Variants in IGF2BP3 observed in about 807,000 individuals in gnomAD.
IGF2BP3 encodes insulin-like growth factor 2 mRNA-binding protein 3.
IGF2BP3 carries 9 observed loss-of-function variants against 73.8 expected under a neutral mutation model. That is an observed-to-expected ratio of 0.12 (90% CI 0.07 to 0.21). IGF2BP3 has a LOEUF of 0.21. IGF2BP3 is among the 10% of genes least tolerant of loss of function. The pLI is 1.00. For missense variants in IGF2BP3, 542 were observed against 714.0 expected, an observed-to-expected ratio of 0.76 and a Z score of 2.75; for synonymous variants, 258 against 256.7, an observed-to-expected ratio of 1.01 and a Z score of -0.05.
chr7:23,424,552 C>T (rs985512891), intron 2 of IGF2BP3, among the ~76,000 whole-genome samples: 1 of 152,068 alleles, frequency 6.6e-6, no homozygotes, highest in East Asian at 1.9e-4. Flanking sequence ...ATATTAGTTA[C>T]TATGAAAATT....
chr7:23,367,387 C>T (rs2128510068), intron 3 of IGF2BP3, among the ~76,000 whole-genome samples: 1 of 148,452 alleles, frequency 6.7e-6, no homozygotes, highest in East Asian at 1.9e-4. Context: ...TGTCCCCTCT[C>T]AGTACTGCTA....
At chr7:23,317,524 T>C (rs951807781) in intron 12 of IGF2BP3, 115 bp downstream of exon 12, 4 of 760,136 alleles carry the variant, frequency 5.3e-6, no homozygotes, top group South Asian at 1.6e-5. Flanking sequence ...AGCTCTTAGA[T>C]AAGAATTTCC....
chr7:23,378,880 T>C (rs967724700), intron 3 of IGF2BP3, among the ~76,000 whole-genome samples: 1 of 152,046 alleles, frequency 6.6e-6, no homozygotes, highest in Non-Finnish European at 1.5e-5. Context: ...CCTTCTCTTC[T>C]ATTCGTAAGG....
At chr7:23,343,900 A>G in intron 8 of IGF2BP3, 47 bp from the exon 9 acceptor site, 2 of 1,586,566 alleles carry the variant, frequency 1.3e-6, no homozygotes, top group African/African-American at 2.7e-5. Context: ...AAATTGGAGG[A>G]AGACAGCTAA....
chr7:23,455,743 T>G (rs1227892173), intron 2 of IGF2BP3, among the ~76,000 whole-genome samples: 1 of 152,288 alleles, frequency 6.6e-6, no homozygotes, highest in Non-Finnish European at 1.5e-5. Flanking sequence ...TGGAGTGCGG[T>G]GGCGCGATGT....
chr7:23,323,125 G>C (rs1784204251), intron 10 of IGF2BP3, among the ~76,000 whole-genome samples: 2 of 152,042 alleles, frequency 1.3e-5, no homozygotes, highest in South Asian at 4.1e-4. Context: ...ACACAGACTG[G>C]CAAATTGGAT....
At chr7:23,375,273 C>T (rs1583956375) in intron 3 of IGF2BP3, among the ~76,000 whole-genome samples, 2 of 152,098 alleles carry the variant, frequency 1.3e-5, no homozygotes, top group Non-Finnish European at 1.5e-5. Flanking sequence ...GTGATCCATC[C>T]GTGTTGGTAA....
intron 2 of IGF2BP3, chr7:23,450,627 A>G (rs1451557535): frequency 2.6e-5 from 4 of 152,206 alleles, no homozygotes; most frequent in African/African-American, 9.6e-5. Context: ...CAGATTCCAC[A>G]TTGAAACTAG....
chr7:23,405,563 G>C (rs1001289853), intron 3 of IGF2BP3, among the ~76,000 whole-genome samples: 2 of 152,208 alleles, frequency 1.3e-5, no homozygotes, highest in African/African-American at 4.8e-5. Flanking sequence ...GAAGGTGAGA[G>C]GAGGTGAGCA....
chr7:23,337,135 G>A (rs1784594232), intron 10 of IGF2BP3, among the ~76,000 whole-genome samples: 1 of 152,158 alleles, frequency 6.6e-6, no homozygotes, highest in South Asian at 2.1e-4. Context: ...TGAAGGCAAA[G>A]CTATTCCAAC....
At position 23,418,698 on chromosome 7, in the gene IGF2BP3, A is replaced by C. The variant is rs976650690; in HGVS notation, c.285+78T>G. On this transcript the variant is annotated intron_variant, in intron 3 of 14. Coordinates refer to ENST00000258729, the MANE Select transcript of IGF2BP3 (RefSeq NM_006547.3). Reference sequence around the variant, plus strand: ...TCTAGCACACCCAAGAGTTGAGGAAAGGAGAAAAAGCTTTGAAAAAACTAA... The same window carrying C: ...TCTAGCACACCCAAGAGTTGAGGAACGGAGAAAAAGCTTTGAAAAAACTAA... 6.6e-6 allele frequency: 6 copies of C among 913,910 alleles called. No individual in the cohort carries two copies. In the African/African-American group the frequency reaches 1.0e-4, roughly 15 times the overall value. 56.6% of individuals were successfully genotyped at this position (913,910 alleles called of 1,614,324 possible). A position where few individuals can be genotyped will look rare whatever the true frequency, so the allele number is the denominator to read the frequency against.
intron 9 of IGF2BP3, 116 bp downstream of exon 9, chr7:23,343,602 T>A: frequency 9.9e-7 from 1 of 1,006,528 alleles, no homozygotes; most frequent in South Asian, 1.5e-5. Flanking sequence ...GTGCTAAAAA[T>A]CAACTAGAAC....
rs533601322 is a variant in IGF2BP3, at chr7:23,459,835, AAAG to A, written c.236+8644_236+8646del. On this transcript the variant is annotated intron_variant, in intron 2 of 14. Transcript: ENST00000258729. ...AACAAAGTGAGATTCTGACTCGAAA[AAAG>A]AAGAAGAACTGGACTTGGTCTACAC... Among the ~76,000 whole-genome samples the A allele has an allele frequency of 1.6e-4, 25 of 151,924 alleles. No homozygotes were observed. In the South Asian group the frequency reaches 1.7e-3, roughly 10 times the overall value.
intron 2 of IGF2BP3, among the ~76,000 whole-genome samples, chr7:23,438,646 G>A (rs1787860013): frequency 6.6e-6 from 1 of 151,824 alleles, no homozygotes; most frequent in South Asian, 2.1e-4. Context: ...TTTCTACTGG[G>A]AAGTCATTTC....
chr7:23,330,765 A>G (rs984472312), intron 10 of IGF2BP3, among the ~76,000 whole-genome samples: 8 of 152,124 alleles, frequency 5.3e-5, no homozygotes, highest in Admixed American at 2.6e-4. Flanking sequence ...AATATATACT[A>G]GACATACGGT....
At chr7:23,334,284 T>C (rs1277606729) in intron 10 of IGF2BP3, among the ~76,000 whole-genome samples, 5 of 152,208 alleles carry the variant, frequency 3.3e-5, no homozygotes, top group African/African-American at 1.2e-4. Context: ...GCCAAGATCA[T>C]GACACTGCAC....
rs564664483 is a variant in IGF2BP3, at chr7:23,442,466, G to A, written c.237-23642C>T. ...AGGCTGGAGTACAGTGGCCTGATCT[G>A]AGCTCAGTGCAACCACCGTCGCCCG... is the stretch of plus-strand genomic sequence containing the variant. On this transcript the variant is annotated intron_variant, in intron 2 of 14. Transcript: ENST00000258729. Among the ~76,000 whole-genome samples the A allele has an allele frequency of 1.4e-4, 21 of 151,956 alleles. No individual in the cohort carries two copies. The South Asian group carries it at 3.5e-3, about 26-fold the overall frequency.
At chr7:23,418,313 T>C (rs895283230) in intron 3 of IGF2BP3, among the ~76,000 whole-genome samples, 3 of 152,220 alleles carry the variant, frequency 2.0e-5, no homozygotes, top group Admixed American at 1.3e-4. Flanking sequence ...GGCTATTCAA[T>C]TGTGCTAAAT....
intron 12 of IGF2BP3, among the ~76,000 whole-genome samples, chr7:23,316,639 C>G (rs1783996417): frequency 7.6e-6 from 1 of 131,220 alleles, no homozygotes; most frequent in Non-Finnish European, 1.5e-5. Context: ...CACGCCACTG[C>G]AGTCCAGCCT....
Sources: allele counts gnomAD v4.1 joint callset (sites outside exome capture counted in the v4.1 genomes callset), GRCh38; gene constraint gnomAD v4.1.1; transcripts MANE v1.5; gene names NCBI Gene and HGNC (gene_info 2026-07-23, HGNC 2026-07-21).